Variants in MINDY4B observed in about 807,000 individuals in gnomAD.
MINDY4B encodes MINDY family member 4B.
In MINDY4B, 25 loss-of-function variants were observed where a neutral mutation model predicts 16.7. That is an observed-to-expected ratio of 1.49 (90% confidence interval 1.09 to 2.09). The LOEUF (loss-of-function observed/expected upper bound fraction) is 2.09, where lower values mean the gene tolerates loss of function less well. Among genes scored for constraint, MINDY4B ranks in the 30% most tolerant of loss-of-function variants. MINDY4B has a pLI of 0.00. For synonymous variants in MINDY4B, 132 were observed against 61.9 expected (o/e 2.13, Z -5.32); for missense variants, 327 against 168.4 (o/e 1.94, Z -5.21).
intron 2 of MINDY4B, among the ~76,000 whole-genome samples, chr3:150,904,227 C>A (rs1320994726): frequency 6.6e-6 from 1 of 152,046 alleles, no homozygotes; most frequent in Non-Finnish European, 1.5e-5. Flanking sequence ...TAAAGCATAA[C>A]TTGACTTTTT....
chr3:150,889,833 C>T (rs1327995559), intron 7 of MINDY4B, among the ~76,000 whole-genome samples: 2 of 152,176 alleles, frequency 1.3e-5, no homozygotes, highest in Non-Finnish European at 2.9e-5. Flanking sequence ...CCCCTTTCCA[C>T]CCTGGGGGTA....
At chr3:150,887,904 C>G (rs192080332) in intron 7 of MINDY4B, among the ~76,000 whole-genome samples, 7 of 151,952 alleles carry the variant, frequency 4.6e-5, no homozygotes, top group Non-Finnish European at 7.4e-5. Flanking sequence ...GTCAGGAGAT[C>G]GAGACCATCC....
chr3:150,899,305 C>T (rs1264007553), intron 3 of MINDY4B, among the ~76,000 whole-genome samples: 1 of 152,160 alleles, frequency 6.6e-6, no homozygotes, highest in African/African-American at 2.4e-5. Flanking sequence ...AGCGTCCCAG[C>T]AGGAAACAGA....
intron 3 of MINDY4B, among the ~76,000 whole-genome samples, chr3:150,894,558 A>G (rs1711910078): frequency 6.6e-6 from 1 of 152,138 alleles, no homozygotes. Flanking sequence ...CTCTGTGTCT[A>G]CAGCTCTTGC....
intron 3 of MINDY4B, 121 bp downstream of exon 3, chr3:150,903,128 A>G (rs983974361): frequency 2.0e-5 from 8 of 396,820 alleles, no homozygotes; most frequent in Middle Eastern, 6.2e-4. Flanking sequence ...TTTTACCAAT[A>G]ACAACCATCT....
At chr3:150,892,977 GT>G (rs987022348) in intron 5 of MINDY4B, among the ~76,000 whole-genome samples, 1 of 151,848 alleles carries the variant, frequency 6.6e-6, no homozygotes, top group Non-Finnish European at 1.5e-5. Flanking sequence ...CATTTATGGG[GT>G]TTTTATATCA....
At chr3:150,876,233 A>C (rs1487203063) in intron 10 of MINDY4B, among the ~76,000 whole-genome samples, 1 of 152,260 alleles carries the variant, frequency 6.6e-6, no homozygotes, top group Non-Finnish European at 1.5e-5. Context: ...CATTTAAGCC[A>C]ATGTAAAATT....
Position 150,885,380 on chromosome 3 carries a change from C to G in MINDY4B, c.812G>C (p.Arg271Thr), listed in dbSNP as rs1299036991. 3.0e-5 allele frequency: 21 copies of G among 702,612 alleles called. No homozygotes were observed. In the East Asian group the frequency reaches 5.4e-4, roughly 18 times the overall value. 43.5% of individuals were successfully genotyped at this position (702,612 alleles called of 1,614,324 possible). A position where few individuals can be genotyped will look rare whatever the true frequency, so the allele number is the denominator to read the frequency against. Residue 271 changes from arginine (R) to threonine (T), a missense_variant, in exon 8 of 12, where the codon AGA (arginine) becomes ACA (threonine). Transcript: ENST00000465419. ...ILFLYSLIFS[R>T]TFERLQMDLD... ...CTGTAGAATTTACCTTTCAAATGTTCTAGAGAAGATCAGGCTGTACAGAAA... is the reference window on the plus strand; with the variant it reads ...CTGTAGAATTTACCTTTCAAATGTTGTAGAGAAGATCAGGCTGTACAGAAA...
chr3:150,889,402 C>T (rs1404043317), intron 7 of MINDY4B, among the ~76,000 whole-genome samples: 2 of 152,212 alleles, frequency 1.3e-5, no homozygotes, highest in Non-Finnish European at 2.9e-5. Flanking sequence ...CTCTGACTTC[C>T]TCTTTTGCTT....
chr3:150,878,861 A>G (rs1220130750), intron 10 of MINDY4B, among the ~76,000 whole-genome samples: 1 of 152,078 alleles, frequency 6.6e-6, no homozygotes, highest in African/African-American at 2.4e-5. Context: ...TTTGCAGGTA[A>G]TTTTCTTTAG....
intron 3 of MINDY4B, among the ~76,000 whole-genome samples, chr3:150,898,164 T>C (rs1712025264): frequency 6.6e-6 from 1 of 152,224 alleles, no homozygotes; most frequent in Non-Finnish European, 1.5e-5. Flanking sequence ...TAGGGTGTTA[T>C]TACCTTTGTG....
chr3:150,873,016 C>A (rs112676738), intron 11 of MINDY4B, among the ~76,000 whole-genome samples, 171 bp downstream of exon 11: 3 of 152,298 alleles, frequency 2.0e-5, no homozygotes, highest in African/African-American at 7.2e-5. Context: ...TCCCACATTG[C>A]AATACTTGGG....
chr3:150,883,550 C>A (rs1300729494), intron 9 of MINDY4B, 150 bp downstream of exon 9: 1 of 601,966 alleles, frequency 1.7e-6, no homozygotes, highest in Non-Finnish European at 3.0e-6. Flanking sequence ...TCAAAGATAA[C>A]CGGATTGCTC....
intron 4 of MINDY4B, 57 bp from the exon 5 acceptor site, chr3:150,893,472 A>G (rs1184867041): frequency 8.5e-6 from 6 of 701,902 alleles, no homozygotes; most frequent in Non-Finnish European, 1.6e-5. Flanking sequence ...AATGTTATCT[A>G]TTCTTCTCTG....
chr3:150,901,228 G>A (rs1415229628), intron 3 of MINDY4B: 2 of 152,194 alleles, frequency 1.3e-5, no homozygotes. Context: ...AATGCAGATA[G>A]TTGCTCTAAC....
rs1288828757 is a variant in MINDY4B at position 150,871,048 on chromosome 3, G to A, written c.1380C>T (p.Phe460=). The change falls in exon 12 of 12, where the codon TTC becomes TTT. Residue 460 remains phenylalanine, a synonymous_variant. Coordinates refer to ENST00000465419, the MANE Select transcript of MINDY4B (RefSeq NM_001351281.2). ...CATTGCACAGCCTAGTTTCCCTTTA[G>A]AAGAAGGGAACGGTCCCATTCCAGT... is the stretch of plus-strand genomic sequence containing the variant. ...TINWNGTVPF[F] 4 of 702,748 alleles carry A rather than the reference G, an allele frequency of 5.7e-6. No individual in the cohort carries two copies. The South Asian group carries it at 5.9e-5, about 10-fold the overall frequency. 43.5% of individuals were successfully genotyped at this position (702,748 alleles called of 1,614,324 possible).
chr3:150,899,824 A>G lies in MINDY4B; in HGVS notation c.309+3425T>C, dbSNP rs538303482. Among the ~76,000 whole-genome samples, 4 of 152,268 alleles carry G rather than the reference A, an allele frequency of 2.6e-5. No homozygotes were observed. The South Asian group carries it at 6.2e-4, about 24-fold the overall frequency. ...CATTAACTCACACCTGTCGAGACCC[A>G]TCTATGAGCTAGACCTTATGGGGGG... On this transcript the variant is annotated intron_variant, in intron 3 of 11. Transcript: ENST00000465419.
chr3:150,883,384 C>T (rs867909919), intron 9 of MINDY4B, among the ~76,000 whole-genome samples: 1 of 151,756 alleles, frequency 6.6e-6, no homozygotes, highest in African/African-American at 2.4e-5. Context: ...CACTTTTTTT[C>T]AGTTATTAGG....
chr3:150,876,747 AATTC>A (rs1711497455), intron 10 of MINDY4B, among the ~76,000 whole-genome samples: 2 of 152,178 alleles, frequency 1.3e-5, no homozygotes, highest in South Asian at 4.1e-4. Flanking sequence ...CCGTAGGAGT[AATTC>A]TGGCAAGACC....
Sources: allele counts gnomAD v4.1 joint callset (sites outside exome capture counted in the v4.1 genomes callset), GRCh38; gene constraint gnomAD v4.1.1; transcripts MANE v1.5; gene names NCBI Gene and HGNC (gene_info 2026-07-23, HGNC 2026-07-21).